Variants in TDRD9 observed in about 807,000 individuals in gnomAD.
TDRD9 encodes the protein ATP-dependent RNA helicase TDRD9.
In TDRD9, 124 loss-of-function variants were observed where a neutral mutation model predicts 172.6. The observed-to-expected ratio is 0.72, with a 90% CI of 0.62 to 0.83. The LOEUF is 0.83. Ranked by LOEUF, TDRD9 falls within the 40% of genes least tolerant of loss-of-function variation. The pLI, the probability that TDRD9 is intolerant of heterozygous loss-of-function variation, is 0.00. For synonymous variants in TDRD9, 619 were observed against 617.1 expected (o/e 1.00, Z -0.05); for missense variants, 1,479 against 1,714.1 (o/e 0.86, Z 2.42).
intron 2 of TDRD9, among the ~76,000 whole-genome samples, chr14:103,960,524 T>A (rs1193462013): frequency 1.3e-5 from 2 of 152,224 alleles, no homozygotes; most frequent in South Asian, 4.1e-4. Flanking sequence ...TGTATGTAGT[T>A]TGTTGATTTG....
chr14:104,036,045 T>G (rs560998505), intron 32 of TDRD9, among the ~76,000 whole-genome samples: 1 of 152,110 alleles, frequency 6.6e-6, no homozygotes, highest in Non-Finnish European at 1.5e-5. Context: ...TAGAAAAAGC[T>G]GAATGGGAAA....
At chr14:103,988,888 A>G (rs1340971151) in intron 8 of TDRD9, among the ~76,000 whole-genome samples, 1 of 152,026 alleles carries the variant, frequency 6.6e-6, no homozygotes, top group Non-Finnish European at 1.5e-5. Context: ...TTTTAAAATC[A>G]CCTAAGAAGG....
intron 32 of TDRD9, among the ~76,000 whole-genome samples, chr14:104,037,928 T>C (rs1393604230): frequency 1.3e-5 from 2 of 152,202 alleles, no homozygotes; most frequent in African/African-American, 2.4e-5. Context: ...AGTGGCATCA[T>C]CATTGTGTAC....
At chr14:104,014,888 T>G (rs1330514913) in intron 21 of TDRD9, 47 bp downstream of exon 21, 2 of 1,169,480 alleles carry the variant, frequency 1.7e-6, no homozygotes, top group Non-Finnish European at 2.5e-6. Context: ...TCTTTCTGCT[T>G]ACAAGGTCTT....
intron 6 of TDRD9, among the ~76,000 whole-genome samples, chr14:103,973,826 C>T (rs1834117245): frequency 6.6e-6 from 1 of 152,118 alleles, no homozygotes; most frequent in Non-Finnish European, 1.5e-5. Flanking sequence ...CAGTTTTTAC[C>T]ATTTGTATCT....
At chr14:103,979,703 A>G (rs2033395264) in intron 7 of TDRD9, among the ~76,000 whole-genome samples, 2 of 152,216 alleles carry the variant, frequency 1.3e-5, no homozygotes, top group Non-Finnish European at 2.9e-5. Flanking sequence ...CACTGATGAC[A>G]CAGACTTTGA....
In TDRD9 at chr14:104,037,642, G is replaced by A. The variant is rs540789708; in HGVS notation, c.3717-2554G>A. 2.6e-5 allele frequency among the ~76,000 whole-genome samples: 4 copies of A among 152,320 alleles called. No homozygotes were observed. In the South Asian group the frequency reaches 8.3e-4, roughly 32 times the overall value. On this transcript the variant is annotated intron_variant, in intron 32 of 35. Coordinates refer to ENST00000409874, the MANE Select transcript of TDRD9 (RefSeq NM_153046.3). ...ATTCATAAGCAGAGACATCTAAGTG[G>A]AGGCCACTGTCCCCTTCTTTGCCAA...
chr14:104,007,229 T>C (rs1212898432), intron 19 of TDRD9, 25 bp downstream of exon 19: 1 of 1,611,362 alleles, frequency 6.2e-7, no homozygotes, highest in African/African-American at 1.3e-5. Flanking sequence ...TCCTGCTGCT[T>C]TCTAGATGGC....
intron 34 of TDRD9, 55 bp downstream of exon 34, chr14:104,042,242 C>T: frequency 8.2e-7 from 1 of 1,216,334 alleles, no homozygotes; most frequent in Non-Finnish European, 1.2e-6. Flanking sequence ...TTCTCAGCTG[C>T]CTTGATCATG....
At chr14:104,029,441 G>A (rs1204473888) in intron 28 of TDRD9, among the ~76,000 whole-genome samples, 1 of 152,066 alleles carries the variant, frequency 6.6e-6, no homozygotes, top group Non-Finnish European at 1.5e-5. Flanking sequence ...TGTAGGTATT[G>A]TAAATGGGAT....
intron 33 of TDRD9, among the ~76,000 whole-genome samples, chr14:104,041,446 A>C (rs2035608733): frequency 6.6e-6 from 1 of 152,234 alleles, no homozygotes; most frequent in African/African-American, 2.4e-5. Context: ...GACAAAGTGC[A>C]CACCAGGAGA....
At position 104,006,631 on chromosome 14, in the gene TDRD9, A is replaced by G. The variant is rs201597868; in HGVS notation, c.1880-15A>G. 8.2e-5 allele frequency: 132 copies of G among 1,613,492 alleles called. No individual in the cohort carries two copies. The East Asian group carries it at 2.7e-3, about 34-fold the overall frequency. On this transcript the variant is annotated splice_polypyrimidine_tract_variant and intron_variant, in intron 16 of 35. Transcript: ENST00000409874. ...TCACAATCTTACATTCTTCTTGTTT[A>G]TTTTTTATGGTTAGCGGCAGCTCTT...
At chr14:103,964,525 G>GT (rs2032650617) in intron 3 of TDRD9, among the ~76,000 whole-genome samples, 3 of 151,608 alleles carry the variant, frequency 2.0e-5, no homozygotes, top group Admixed American at 6.6e-5. Context: ...TGTTGTTTTT[G>GT]TTTTTTTGTT....
intron 3 of TDRD9, 103 bp from the exon 4 acceptor site, chr14:103,965,230 C>T (rs917609108): frequency 8.0e-6 from 10 of 1,242,928 alleles, no homozygotes; most frequent in Non-Finnish European, 1.1e-5. Flanking sequence ...CAAAACAAAA[C>T]TTTAAGATGA....
rs1289814560 is a variant in TDRD9, at chr14:104,022,176, C to T, written c.2452C>T (p.Arg818Ter). Residue 818 changes from arginine (R) to a stop codon, truncating the protein, a stop_gained, in exon 24 of 36, where the codon CGA becomes TGA. Coordinates refer to ENST00000409874, the MANE Select transcript of TDRD9 (RefSeq NM_153046.3). LOFTEE classifies it high-confidence loss of function. ...GAACAGAGCCTTTGTGGAATTCTCACGAAATCCAACAGAGAGATTTAAAAC... is the reference window on the plus strand; with the variant it reads ...GAACAGAGCCTTTGTGGAATTCTCATGAAATCCAACAGAGAGATTTAAAAC... The part of the protein sequence containing the change: ...DGAKAFVEFS[R>*]NPTERFKTLP... 10 of 1,556,424 alleles carry T rather than the reference C, an allele frequency of 6.4e-6. No homozygotes were observed. The highest frequency in any genetic ancestry group is 8.7e-6 in the Non-Finnish European group (10 of 1,149,770).
intron 20 of TDRD9, among the ~76,000 whole-genome samples, chr14:104,014,216 A>T (rs1398784795): frequency 7.6e-6 from 1 of 130,762 alleles, no homozygotes; most frequent in Non-Finnish European, 1.6e-5. Flanking sequence ...CCTGGACAAC[A>T]GAGCGAGACT....
At chr14:104,047,794 G>C (rs966153389) in intron 34 of TDRD9, among the ~76,000 whole-genome samples, 1 of 152,084 alleles carries the variant, frequency 6.6e-6, no homozygotes, top group Non-Finnish European at 1.5e-5. Context: ...AGGTCGACGT[G>C]GATGCGGTAC....
chr14:103,991,625 A>G (rs139178973), intron 9 of TDRD9, among the ~76,000 whole-genome samples: 1 of 151,972 alleles, frequency 6.6e-6, no homozygotes, highest in African/African-American at 2.4e-5. Context: ...GTTGGCCAGG[A>G]TGGTCTCGAT....
intron 1 of TDRD9, chr14:103,941,295 C>T (rs1292130175): frequency 2.0e-6 from 2 of 993,736 alleles, no homozygotes; most frequent in African/African-American, 1.6e-5. Flanking sequence ...GACATCTACA[C>T]AGTTAAAGAA....
Sources: allele counts gnomAD v4.1 joint callset (sites outside exome capture counted in the v4.1 genomes callset), GRCh38; gene constraint gnomAD v4.1.1; transcripts MANE v1.5; gene names NCBI Gene and HGNC (gene_info 2026-07-23, HGNC 2026-07-21).